The following LINGO2 variants were observed in gnomAD, a reference collection of about 807,000 sequenced individuals.
LINGO2 encodes leucine rich repeat and Ig domain containing 2.
A neutral mutation model predicts 30.6 loss-of-function variants in LINGO2; 14 were observed. That is an observed-to-expected ratio of 0.46 (90% CI 0.30 to 0.72). The LOEUF is 0.72. Ranked by LOEUF, LINGO2 falls within the 30% of genes least tolerant of loss-of-function variation. The pLI, the probability that LINGO2 is intolerant of heterozygous loss-of-function variation, is 0.07. For missense variants in LINGO2, 729 were observed against 751.7 expected, an observed-to-expected ratio of 0.97 and a Z score of 0.35; for synonymous variants, 317 against 288.5, an observed-to-expected ratio of 1.10 and a Z score of -1.00.
chr9:28,161,538 T>C (rs1049190772), intron 4 of LINGO2, among the ~76,000 whole-genome samples: 2 of 152,164 alleles, frequency 1.3e-5, no homozygotes, highest in Non-Finnish European at 2.9e-5. Flanking sequence ...GCCTCATTTT[T>C]ATTGATGGAA....
intron 1 of LINGO2, among the ~76,000 whole-genome samples, chr9:28,509,976 C>T (rs1025622528): frequency 6.6e-6 from 1 of 152,178 alleles, no homozygotes; most frequent in Non-Finnish European, 1.5e-5. Flanking sequence ...GTAATGATAA[C>T]TGGTATCAAT....
At chr9:28,055,370 A>T (rs1362122909) in intron 4 of LINGO2, among the ~76,000 whole-genome samples, 2 of 152,160 alleles carry the variant, frequency 1.3e-5, no homozygotes, top group Non-Finnish European at 2.9e-5. Flanking sequence ...ACTCTAAACA[A>T]GCTTCAGCCA....
chr9:28,010,298 T>G (rs1043234665), intron 5 of LINGO2, among the ~76,000 whole-genome samples: 14 of 152,190 alleles, frequency 9.2e-5, no homozygotes, highest in African/African-American at 2.9e-4. Flanking sequence ...ATAACTGATT[T>G]GTATGGAGAT....
the LINGO2 span, among the ~76,000 whole-genome samples, chr9:29,061,124 G>C: frequency 1.3e-5 from 2 of 151,824 alleles, no homozygotes; most frequent in African/African-American, 4.8e-5. Context: ...AAGCAGCTAG[G>C]AAAAAAATTG....
intron 2 of LINGO2, among the ~76,000 whole-genome samples, chr9:28,429,361 C>A (rs145296127): frequency 2.6e-4 from 39 of 151,960 alleles, no homozygotes; most frequent in African/African-American, 8.4e-4. Context: ...CTTTTTTCTT[C>A]CCTATATGGT....
At chr9:28,370,669 A>C (rs1820858979) in intron 3 of LINGO2, among the ~76,000 whole-genome samples, 1 of 152,174 alleles carries the variant, frequency 6.6e-6, no homozygotes, top group Admixed American at 6.5e-5. Context: ...ATTTTAGCCA[A>C]CAGATTGGTA....
At chr9:28,422,636 A>G (rs1823246048) in intron 2 of LINGO2, among the ~76,000 whole-genome samples, 1 of 152,132 alleles carries the variant, frequency 6.6e-6, no homozygotes, top group Non-Finnish European at 1.5e-5. Flanking sequence ...ACTTAAAAAC[A>G]TAAATTCCAC....
the LINGO2 span, among the ~76,000 whole-genome samples, chr9:29,055,593 G>T: frequency 6.6e-6 from 1 of 151,996 alleles, no homozygotes; most frequent in Non-Finnish European, 1.5e-5. Flanking sequence ...AGGTTTTGGG[G>T]GAATATGTGG....
rs77876554 is a variant in LINGO2, at chr9:28,488,493, C to T, written c.-364-12468G>A. 6.1e-3 allele frequency among the ~76,000 whole-genome samples: 927 copies of T among 152,218 alleles called. 51 individuals carry two copies. In the East Asian group the frequency reaches 0.12, roughly 19 times the overall value. On this transcript the variant is annotated intron_variant, in intron 1 of 5. Coordinates refer to ENST00000379992, the Ensembl canonical transcript of LINGO2. ...TATAGGATAGTGGTTAAAACACCAG[C>T]TCTAGAATGAAACCTTCAGTTAAGG... is the stretch of plus-strand genomic sequence containing the variant.
the LINGO2 span, among the ~76,000 whole-genome samples, chr9:28,819,710 A>G: frequency 6.6e-6 from 1 of 152,302 alleles, no homozygotes; most frequent in Admixed American, 6.5e-5. Flanking sequence ...CAGGCCAAGC[A>G]GGTCCTGTGG....
chr9:28,320,588 T>C (rs757342914), intron 3 of LINGO2, among the ~76,000 whole-genome samples: 4 of 152,124 alleles, frequency 2.6e-5, no homozygotes, highest in Non-Finnish European at 4.4e-5. Flanking sequence ...CAATATGTTC[T>C]AGGGATGGGG....
chr9:28,874,825 C>G, the LINGO2 span, among the ~76,000 whole-genome samples: 4 of 152,106 alleles, frequency 2.6e-5, no homozygotes. Flanking sequence ...TGGCTTTACG[C>G]AACATTTCTT....
At chr9:29,024,680 G>C in the LINGO2 span, among the ~76,000 whole-genome samples, 3 of 152,096 alleles carry the variant, frequency 2.0e-5, no homozygotes, top group African/African-American at 7.2e-5. Context: ...GAGAGCGATG[G>C]AGAAGGCAGA....
At chr9:29,211,721 G>A in the LINGO2 span, among the ~76,000 whole-genome samples, 2 of 152,124 alleles carry the variant, frequency 1.3e-5, no homozygotes, top group Non-Finnish European at 2.9e-5. Flanking sequence ...AGAAGAGGGT[G>A]TGGTACTCGT....
intron 4 of LINGO2, among the ~76,000 whole-genome samples, chr9:28,136,501 G>T (rs1204397605): frequency 1.3e-5 from 2 of 152,114 alleles, no homozygotes; most frequent in African/African-American, 4.8e-5. Context: ...TGCCTAGCAG[G>T]GATGCTCAGG....
chr9:28,974,689 A>G, the LINGO2 span, among the ~76,000 whole-genome samples: 1 of 152,164 alleles, frequency 6.6e-6, no homozygotes, highest in East Asian at 1.9e-4. Flanking sequence ...CACAGATGTC[A>G]GAATTTCATA....
chr9:28,029,559 C>T (rs145282478), intron 4 of LINGO2, among the ~76,000 whole-genome samples: 3 of 152,076 alleles, frequency 2.0e-5, no homozygotes, highest in South Asian at 2.1e-4. Flanking sequence ...ATGAAAGGAA[C>T]CACATTTATA....
the LINGO2 span, among the ~76,000 whole-genome samples, chr9:29,108,717 T>C: frequency 6.6e-6 from 1 of 152,180 alleles, no homozygotes; most frequent in African/African-American, 2.4e-5. Flanking sequence ...TAAAAACACA[T>C]GGATAATGCA....
the LINGO2 span, among the ~76,000 whole-genome samples, chr9:29,031,219 ATGTT>A: frequency 6.6e-6 from 1 of 151,670 alleles, no homozygotes; most frequent in Non-Finnish European, 1.5e-5. Flanking sequence ...GTTCATATCA[ATGTT>A]TGTAATAGCA....
Sources: gnomAD v4.1 joint callset for allele counts (sites outside exome capture counted in the v4.1 genomes callset) on GRCh38, gnomAD v4.1.1 for gene constraint, MANE v1.5 for transcripts, NCBI Gene and HGNC (gene_info 2026-07-23, HGNC 2026-07-21) for gene names.